The following SDK2 variants were observed in gnomAD, a reference collection of about 807,000 sequenced individuals.
SDK2 encodes protein sidekick-2.
SDK2 carries 105 observed loss-of-function variants against 253.9 expected under a neutral mutation model. That is an observed-to-expected ratio of 0.41 (90% CI 0.35 to 0.49). The LOEUF (loss-of-function observed/expected upper bound fraction) is 0.49, where lower values mean the gene tolerates loss of function less well. SDK2 is among the 20% of genes least tolerant of loss of function. The pLI, the probability that SDK2 is intolerant of heterozygous loss-of-function variation, is 0.06. For missense variants in SDK2, 2,608 were observed against 3,003.0 expected (o/e 0.87, Z 3.07); for synonymous variants, 1,249 against 1,234.9 (o/e 1.01, Z -0.24).
chr17:73,593,847 C>G (rs999562226), intron 1 of SDK2, among the ~76,000 whole-genome samples: 1 of 152,218 alleles, frequency 6.6e-6, no homozygotes, highest in South Asian at 2.1e-4. Context: ...CTCACTTACC[C>G]TCCTTGGCCA....
At chr17:73,599,001 A>C (rs1478212071) in intron 1 of SDK2, among the ~76,000 whole-genome samples, 1 of 152,282 alleles carries the variant, frequency 6.6e-6, no homozygotes, top group East Asian at 1.9e-4. Flanking sequence ...AGAGTGCTGA[A>C]GAAAACGGAC....
Position 73,507,534 on chromosome 17 carries a change from CG to C in SDK2, c.127del (p.Arg43AlafsTer25), listed in dbSNP as rs1245979044. 1.3e-6 allele frequency: 2 copies of C among 1,551,682 alleles called. No homozygotes were observed. Among genetic ancestry groups the C allele is most frequent in the Non-Finnish European group, 1.7e-6 (2 of 1,146,978 alleles). On this transcript the variant is annotated frameshift_variant, in exon 2 of 45. Transcript: ENST00000392650. LOFTEE classifies it high-confidence loss of function. Reference sequence around the variant, plus strand: ...CTCGGCCATGCATGTAAGCACCAGGCGGTTTCCTTCCAAGTGCACCTGTGTC... The same window carrying C: ...CTCGGCCATGCATGTAAGCACCAGGCGTTTCCTTCCAAGTGCACCTGTGTC... Reference protein sequence around the residue: ...VRTQVHLEGNRLVLTCMAEGS... With the variant: ...VRTQVHLEGNXLVLTCMAEGS...
Position 73,507,615 on chromosome 17 carries a change from C to T in SDK2, c.65-18G>A. ...CACATCATCTGCAGAAACAGGGAGA[C>T]AAAGCCACCAGTGATCACTTGCTCA... On this transcript the variant is annotated intron_variant, in intron 1 of 44. Coordinates refer to ENST00000392650, the MANE Select transcript of SDK2 (RefSeq NM_001144952.2). 3.9e-6 allele frequency: 6 copies of T among 1,548,786 alleles called. No individual in the cohort carries two copies. Among genetic ancestry groups the T allele is most frequent in the Non-Finnish European group, 5.2e-6 (6 of 1,145,346 alleles).
At position 73,395,601 on chromosome 17, in the gene SDK2, G is replaced by A. The variant is rs928540731; in HGVS notation, c.3355-209C>T. On this transcript the variant is annotated intron_variant, in intron 24 of 44. Transcript: ENST00000392650. This position sits in a 1 kb window ranked among gnomAD's most constrained non-coding sequence, Gnocchi z 4.3. ...ATGGGCTCTTATCTTCCTGCAGGGA[G>A]GACAGAGAAGCAGCATCCTTTCTTT... is the stretch of plus-strand genomic sequence containing the variant. Among the ~76,000 whole-genome samples the A allele has an allele frequency of 3.3e-5, 5 of 152,216 alleles. No homozygotes were observed. The highest frequency in any genetic ancestry group is 7.3e-5 in the Non-Finnish European group (5 of 68,036).
At chr17:73,345,880 A>G (rs150640418) in intron 44 of SDK2, among the ~76,000 whole-genome samples, 107 of 152,300 alleles carry the variant, frequency 7.0e-4, no homozygotes, top group African/African-American at 2.4e-3. Flanking sequence ...AATGTTTGCT[A>G]TTATAAATCG....
chr17:73,512,713 T>G (rs560070735), intron 1 of SDK2, among the ~76,000 whole-genome samples: 1 of 152,270 alleles, frequency 6.6e-6, no homozygotes, highest in South Asian at 2.1e-4. Context: ...TTAACTACAT[T>G]ACAAAGCTGC....
At chr17:73,483,311 T>A (rs888080024) in intron 2 of SDK2, among the ~76,000 whole-genome samples, 36 of 143,328 alleles carry the variant, frequency 2.5e-4, no homozygotes, top group South Asian at 7.0e-4. Context: ...ACAGAACTTT[T>A]TTTTTTTTTT....
rs146350585 is a variant in SDK2, at chr17:73,348,757, T to G, written c.6039-32A>C. On this transcript the variant is annotated intron_variant, in intron 43 of 44. Coordinates refer to ENST00000392650, the MANE Select transcript of SDK2 (RefSeq NM_001144952.2). ...AGAGCGGGGGAGTGGGGCCGAGAGG[T>G]GCACTCACTCAGAGCGGCCTCCCCT... 1.4e-3 allele frequency: 2,151 copies of G among 1,587,114 alleles called. 23 individuals are homozygous for G. The African/African-American group carries it at 0.026, about 19-fold the overall frequency.
At position 73,393,093 on chromosome 17, in the gene SDK2, C is replaced by G. The variant is rs374163362; in HGVS notation, c.3898+467G>C. Among the ~76,000 whole-genome samples the G allele has an allele frequency of 6.1e-4, 92 of 151,722 alleles. No individual in the cohort carries two copies. In the South Asian group the frequency reaches 0.019, roughly 31 times the overall value. On this transcript the variant is annotated intron_variant, in intron 27 of 44. Coordinates refer to ENST00000392650, the MANE Select transcript of SDK2 (RefSeq NM_001144952.2). ...AACCCCAGCTCTACTAAAAATACAA[C>G]AATCAGCTGGGTGTGGTGGCCAGCG...
At chr17:73,543,662 T>G (rs1226474205) in intron 1 of SDK2, among the ~76,000 whole-genome samples, 1 of 152,218 alleles carries the variant, frequency 6.6e-6, no homozygotes, top group South Asian at 2.1e-4. Flanking sequence ...CTGGCCCAGG[T>G]TGGTGCATGG....
chr17:73,474,872 T>C (rs2145699705), intron 2 of SDK2, among the ~76,000 whole-genome samples: 1 of 152,160 alleles, frequency 6.6e-6, no homozygotes, highest in African/African-American at 2.4e-5. Flanking sequence ...GGAAAAGAAA[T>C]AGAAATGGCT....
At chr17:73,553,463 G>A (rs1457766425) in intron 1 of SDK2, among the ~76,000 whole-genome samples, 1 of 152,158 alleles carries the variant, frequency 6.6e-6, no homozygotes, top group Non-Finnish European at 1.5e-5. Context: ...GGGCCAGTGA[G>A]CAGCCCAGTG....
intron 1 of SDK2, among the ~76,000 whole-genome samples, chr17:73,555,790 G>C (rs1474725506): frequency 6.6e-6 from 1 of 152,172 alleles, no homozygotes; most frequent in African/African-American, 2.4e-5. Context: ...TCTGCAGAGG[G>C]GATCACTTCT....
chr17:73,492,585 C>T (rs948341136), intron 2 of SDK2, among the ~76,000 whole-genome samples: 1 of 152,192 alleles, frequency 6.6e-6, no homozygotes, highest in African/African-American at 2.4e-5. Context: ...CAGCATCTCT[C>T]AGCCCCCAGG....
intron 1 of SDK2, among the ~76,000 whole-genome samples, chr17:73,516,078 G>T (rs147167232): frequency 4.1e-4 from 62 of 152,264 alleles, no homozygotes; most frequent in African/African-American, 1.5e-3. Context: ...TAAGAAGCCC[G>T]CAGTCTCTTG....
At position 73,496,619 on chromosome 17, in the gene SDK2, C is replaced by G. The variant is rs1211594565; in HGVS notation, c.224+10819G>C. On this transcript the variant is annotated intron_variant, in intron 2 of 44. Transcript: ENST00000392650. This position sits in a 1 kb window ranked among gnomAD's most constrained non-coding sequence, Gnocchi z 4.7. The stretch of plus-strand genomic sequence containing the variant: ...AAAATCCTTTCGAGACTGTCCACTG[C>G]CTGCTGGATATATCCGAGAAGATTC... 5.9e-5 allele frequency among the ~76,000 whole-genome samples: 9 copies of G among 152,128 alleles called. No homozygotes were observed. Among genetic ancestry groups the G allele is most frequent in the Admixed American group, 5.9e-4 (9 of 15,274 alleles).
chr17:73,423,490 G>A lies in SDK2; in HGVS notation c.1793C>T (p.Ala598Val). 6.3e-7 allele frequency: 1 copy of A among 1,588,002 alleles called. No homozygotes were observed. Residue 598 changes from alanine (A) to valine (V), a missense_variant, in exon 14 of 45, where the codon GCC (alanine) becomes GTC (valine). Transcript: ENST00000392650. ...QLPHAPEHPVATLSTVERRAI... is the reference protein window; with the variant it reads ...QLPHAPEHPVVTLSTVERRAI... ...TCGCCTTTCCACGGTGCTGAGAGTGGCCACTGGGTGCTCGGGCGCGTGGGG... is the reference window on the plus strand; with the variant it reads ...TCGCCTTTCCACGGTGCTGAGAGTGACCACTGGGTGCTCGGGCGCGTGGGG...
At chr17:73,362,130 A>G (rs781188333) in intron 38 of SDK2, among the ~76,000 whole-genome samples, 16 of 152,224 alleles carry the variant, frequency 1.1e-4, no homozygotes, top group Non-Finnish European at 2.4e-4. Flanking sequence ...CACAGGGTCC[A>G]TCATCAGCAT....
chr17:73,627,193 A>T (rs1014746674), intron 1 of SDK2, among the ~76,000 whole-genome samples: 2 of 152,152 alleles, frequency 1.3e-5, no homozygotes, highest in African/African-American at 4.8e-5. Context: ...TGGGAAGGGG[A>T]TAGGCTTTAT....
Sources: allele counts gnomAD v4.1 joint callset (sites outside exome capture counted in the v4.1 genomes callset), GRCh38; gene constraint gnomAD v4.1.1; non-coding constraint Gnocchi (gnomAD v3.1); transcripts MANE v1.5; gene names NCBI Gene and HGNC (gene_info 2026-07-23, HGNC 2026-07-21).